FDFT1: variants seen among roughly 807,000 people sequenced by gnomAD.
The protein encoded by FDFT1 is squalene synthase.
Under a neutral mutation model 46.8 loss-of-function variants are expected in FDFT1, and 68 were observed. The ratio of observed to expected loss-of-function variants is 1.45; its 90% CI spans 1.19 to 1.78. The LOEUF (loss-of-function observed/expected upper bound fraction) is 1.78. FDFT1 is among the 40% of genes most tolerant of loss of function. The probability of loss-of-function intolerance (pLI) is 0.00; values close to 1 mark genes in which losing one functional copy is unlikely to be tolerated. For synonymous variants in FDFT1, 351 were observed against 185.1 expected (o/e 1.90, Z -7.28); for missense variants, 928 against 524.4 (o/e 1.77, Z -7.52).
chr8:11,821,557 C>T (rs1018642953), intron 3 of FDFT1, among the ~76,000 whole-genome samples, 193 bp from the exon 4 acceptor site: 3 of 152,182 alleles, frequency 2.0e-5, no homozygotes, highest in Non-Finnish European at 4.4e-5. Context: ...TGCCATTGCA[C>T]TCCAGCCTGG....
chr8:11,809,467 AC>A (rs1807395476), intron 2 of FDFT1, 199 bp from the exon 3 acceptor site: 1 of 1,300,526 alleles, frequency 7.7e-7, no homozygotes, highest in Non-Finnish European at 9.7e-7. Context: ...TTTTTAATAA[AC>A]TACAGAAGTT....
intron 3 of FDFT1, among the ~76,000 whole-genome samples, chr8:11,820,289 G>C (rs770584703): frequency 2.6e-5 from 4 of 152,160 alleles, no homozygotes; most frequent in Non-Finnish European, 5.9e-5. Context: ...CTCCCAGTCA[G>C]GCTACATGGG....
Position 11,839,140 on chromosome 8 carries a change from G to C in FDFT1, c.*531G>C, listed in dbSNP as rs1288063021. 6.5e-6 allele frequency: 1 copy of C among 154,606 alleles called. No homozygotes were observed. The highest frequency in any genetic ancestry group is 2.4e-5 in the African/African-American group (1 of 41,434). The allele number at this position is 154,606 out of a possible 1,614,324, so 9.6% of individuals were successfully genotyped here. ...ATGCAAACTGCCTTTTCCACACAAA[G>C]GCTGGGAATAAAATTCTGGGTATTC... On this transcript the variant is annotated 3_prime_UTR_variant, in exon 8 of 8. Coordinates refer to ENST00000220584, the MANE Select transcript of FDFT1 (RefSeq NM_004462.5).
At position 11,838,471 on chromosome 8, in the gene FDFT1, CA is replaced by C. The variant is rs1811854233; in HGVS notation, c.1118del (p.Asn373ThrfsTer4). ...ISTIRTQNLP[N>X]CQLISRSHYS... ...CCACCATCCGGACGCAGAATCTTCCCAACTGTCAGCTGATTTCCCGAAGCCA... is the reference window on the plus strand; with the variant it reads ...CCACCATCCGGACGCAGAATCTTCCCACTGTCAGCTGATTTCCCGAAGCCA... On this transcript the variant is annotated frameshift_variant, in exon 8 of 8. Coordinates refer to ENST00000220584, the MANE Select transcript of FDFT1 (RefSeq NM_004462.5). LOFTEE classifies it high-confidence loss of function. 6.2e-7 allele frequency: 1 copy of C among 1,606,400 alleles called. No homozygotes were observed. Among genetic ancestry groups the C allele is most frequent in the Non-Finnish European group, 8.5e-7 (1 of 1,175,522 alleles).
chr8:11,814,936 G>T (rs1223568215), intron 3 of FDFT1, among the ~76,000 whole-genome samples: 1 of 151,956 alleles, frequency 6.6e-6, no homozygotes, highest in African/African-American at 2.4e-5. Flanking sequence ...TGTTACATAG[G>T]TATACATGTG....
At chr8:11,820,539 G>A (rs977861929) in intron 3 of FDFT1, among the ~76,000 whole-genome samples, 3 of 152,168 alleles carry the variant, frequency 2.0e-5, no homozygotes, top group African/African-American at 4.8e-5. Context: ...TGTTTACACT[G>A]TGAGCATAGA....
chr8:11,831,433 A>G (rs1810771289), intron 6 of FDFT1, 85 bp from the exon 7 acceptor site: 1 of 1,255,634 alleles, frequency 8.0e-7, no homozygotes, highest in Admixed American at 1.9e-5. Context: ...TTGCCCATTC[A>G]ACAGAAGGTT....
intron 1 of FDFT1, among the ~76,000 whole-genome samples, chr8:11,807,303 A>C (rs2130703511): frequency 6.6e-6 from 1 of 152,178 alleles, no homozygotes; most frequent in East Asian, 1.9e-4. Context: ...GGTGGGCGCC[A>C]CCACACCTGG....
chr8:11,834,623 C>T (rs1408556508), intron 7 of FDFT1, among the ~76,000 whole-genome samples: 1 of 152,150 alleles, frequency 6.6e-6, no homozygotes, highest in Admixed American at 6.5e-5. Context: ...CTTTTTTTCC[C>T]AAATGATGTT....
upstream of FDFT1, among the ~76,000 whole-genome samples, chr8:11,799,357 T>C (rs1243288385): frequency 6.6e-6 from 1 of 152,234 alleles, no homozygotes; most frequent in Non-Finnish European, 1.5e-5. Flanking sequence ...TACTATTGCT[T>C]ATCTCAAGGC....
chr8:11,809,987 C>A (rs1736093), intron 3 of FDFT1, 137 bp downstream of exon 3: 1 of 629,664 alleles, frequency 1.6e-6, no homozygotes, highest in Non-Finnish European at 2.6e-6. Flanking sequence ...TTAAAAACTC[C>A]GGTAGCCAAG....
intron 7 of FDFT1, among the ~76,000 whole-genome samples, chr8:11,833,637 G>C (rs1029716910): frequency 1.3e-5 from 2 of 152,166 alleles, no homozygotes; most frequent in Non-Finnish European, 2.9e-5. Flanking sequence ...TCTACAGTTG[G>C]CTGAGCCCTG....
upstream of FDFT1, among the ~76,000 whole-genome samples, chr8:11,799,064 C>G (rs1343951472): frequency 6.6e-6 from 1 of 152,188 alleles, no homozygotes; most frequent in Non-Finnish European, 1.5e-5. Flanking sequence ...GCGGACCTGA[C>G]ACATTGAACA....
chr8:11,834,323 T>A (rs529190350), intron 7 of FDFT1, among the ~76,000 whole-genome samples: 1 of 152,296 alleles, frequency 6.6e-6, no homozygotes, highest in Non-Finnish European at 1.5e-5. Flanking sequence ...GCTTGTCAGC[T>A]GGGGAGAAGA....
At chr8:11,796,483 CAAAT>C (rs1470570298) in intron 1 of FDFT1, among the ~76,000 whole-genome samples, 5 of 152,316 alleles carry the variant, frequency 3.3e-5, no homozygotes, top group Non-Finnish European at 5.9e-5. Context: ...TGAACACAAA[CAAAT>C]AAGGTTCTTG....
rs746610454 is a variant in FDFT1 at position 11,821,731 on chromosome 8, T to C, written c.382-19T>C. 7 of 1,611,982 alleles carry C rather than the reference T, an allele frequency of 4.3e-6. No individual in the cohort carries two copies. The highest frequency in any genetic ancestry group is 2.2e-5 in the South Asian group (2 of 90,872). ...GTACATATTTCATGATTTCTGTGTT[T>C]TTACGGTTTCCATTTCAGATCTCCC... On this transcript the variant is annotated intron_variant, in intron 3 of 7. Transcript: ENST00000220584.
chr8:11,815,369 C>CT (rs1183311816), intron 3 of FDFT1, among the ~76,000 whole-genome samples: 3 of 152,050 alleles, frequency 2.0e-5, no homozygotes, highest in African/African-American at 7.2e-5. Flanking sequence ...AGTTATAATC[C>CT]TTTGGGTATA....
At chr8:11,811,942 G>A (rs1371601955) in intron 3 of FDFT1, among the ~76,000 whole-genome samples, 2 of 152,236 alleles carry the variant, frequency 1.3e-5, no homozygotes, top group African/African-American at 4.8e-5. Context: ...AGTGATTTGT[G>A]TATGTGCTGA....
At chr8:11,802,093 C>T (rs138412312), upstream of FDFT1, 426 of 455,150 alleles carry the variant, frequency 9.4e-4, 3 homozygotes, top group African/African-American at 6.6e-3. Flanking sequence ...TAGGACTAAG[C>T]TGGATCTCAA....
Sources: allele counts gnomAD v4.1 joint callset (sites outside exome capture counted in the v4.1 genomes callset), GRCh38; gene constraint gnomAD v4.1.1; transcripts MANE v1.5; gene names NCBI Gene and HGNC (gene_info 2026-07-23, HGNC 2026-07-21).